Variants in KDM2A observed in about 807,000 individuals in gnomAD.
KDM2A encodes the protein lysine-specific demethylase 2A.
KDM2A carries 3 observed loss-of-function variants against 137.3 expected under a neutral mutation model. The observed-to-expected ratio is 0.02, with a 90% CI of 0.01 to 0.06. The LOEUF is 0.06. Ranked by LOEUF, KDM2A falls within the 10% of genes least tolerant of loss-of-function variation. The pLI, the probability that KDM2A is intolerant of heterozygous loss-of-function variation, is 1.00. For synonymous variants in KDM2A, 512 were observed against 541.5 expected, an observed-to-expected ratio of 0.95 and a Z score of 0.76; for missense variants, 738 against 1,510.6, an observed-to-expected ratio of 0.49 and a Z score of 8.48.
At chr11:67,145,237 C>T (rs940742282) in intron 2 of KDM2A, among the ~76,000 whole-genome samples, 1 of 151,418 alleles carries the variant, frequency 6.6e-6, no homozygotes, top group Non-Finnish European at 1.5e-5. Flanking sequence ...GTAATCCCAG[C>T]ACTTTGGGAG....
chr11:67,174,722 T>G (rs1289088883), intron 2 of KDM2A, among the ~76,000 whole-genome samples: 1 of 152,248 alleles, frequency 6.6e-6, no homozygotes, highest in African/African-American at 2.4e-5. Context: ...TTAAAATTCT[T>G]CATATTATTT....
intron 2 of KDM2A, among the ~76,000 whole-genome samples, chr11:67,148,335 C>T (rs1036057706): frequency 6.6e-5 from 10 of 151,950 alleles, no homozygotes; most frequent in African/African-American, 2.2e-4. Flanking sequence ...GCCAAAGGGT[C>T]GCTTGACCCC....
intron 5 of KDM2A, among the ~76,000 whole-genome samples, chr11:67,191,458 G>A (rs1367949985): frequency 1.3e-5 from 2 of 152,102 alleles, no homozygotes; most frequent in Admixed American, 6.5e-5. Flanking sequence ...CAAAATACTT[G>A]CATACTAAAT....
intron 2 of KDM2A, among the ~76,000 whole-genome samples, chr11:67,162,315 T>C (rs1358291624): frequency 6.6e-6 from 1 of 152,202 alleles, no homozygotes; most frequent in Non-Finnish European, 1.5e-5. Context: ...TAATTCTTAT[T>C]GCCTGTAAAT....
At chr11:67,205,935 G>A (rs1857792467) in intron 5 of KDM2A, among the ~76,000 whole-genome samples, 1 of 151,962 alleles carries the variant, frequency 6.6e-6, no homozygotes, top group South Asian at 2.1e-4. Context: ...TTTTCCTAAA[G>A]CCTTTTCTGA....
At chr11:67,203,419 AAT>A (rs957703011) in intron 5 of KDM2A, among the ~76,000 whole-genome samples, 12 of 71,766 alleles carry the variant, frequency 1.7e-4, no homozygotes, top group Admixed American at 4.6e-4. Flanking sequence ...TCTAGTAATA[AAT>A]AGTCTATAAT....
At chr11:67,186,381 C>T (rs987129132) in intron 5 of KDM2A, among the ~76,000 whole-genome samples, 1 of 152,182 alleles carries the variant, frequency 6.6e-6, no homozygotes, top group Non-Finnish European at 1.5e-5. Context: ...CAAAACAAAA[C>T]TGTCAACCAA....
chr11:67,217,943 T>C, intron 9 of KDM2A, 59 bp downstream of exon 9: 1 of 1,406,692 alleles, frequency 7.1e-7, no homozygotes, highest in Non-Finnish European at 9.6e-7. Flanking sequence ...GAAAAAGAAA[T>C]TGATGGATTA....
At chr11:67,136,234 A>G (rs554199022) in intron 2 of KDM2A, among the ~76,000 whole-genome samples, 1 of 152,178 alleles carries the variant, frequency 6.6e-6, no homozygotes, top group Non-Finnish European at 1.5e-5. Context: ...TTTGACTCCC[A>G]TTTTAAAGTT....
At chr11:67,248,095 G>T (rs980886263) in intron 15 of KDM2A, among the ~76,000 whole-genome samples, 186 bp from the exon 16 acceptor site, 2 of 152,226 alleles carry the variant, frequency 1.3e-5, no homozygotes, top group African/African-American at 4.8e-5. Context: ...CAAGCTATCA[G>T]AACCTGTGCC....
intron 2 of KDM2A, among the ~76,000 whole-genome samples, chr11:67,168,434 G>A (rs1304394076): frequency 6.6e-6 from 1 of 151,708 alleles, no homozygotes; most frequent in African/African-American, 2.4e-5. Flanking sequence ...CATATTTGTT[G>A]CCCCCTAGTG....
chr11:67,212,879 C>G (rs538732231), intron 6 of KDM2A, among the ~76,000 whole-genome samples: 19 of 152,098 alleles, frequency 1.2e-4, no homozygotes, highest in African/African-American at 4.1e-4. Context: ...ATTCATTATT[C>G]TGTTAAAGGC....
At chr11:67,188,237 C>A (rs1183582729) in intron 5 of KDM2A, among the ~76,000 whole-genome samples, 4 of 151,624 alleles carry the variant, frequency 2.6e-5, no homozygotes, top group African/African-American at 9.7e-5. Context: ...CCAGCACTTG[C>A]CTTGGGAGGC....
intron 2 of KDM2A, among the ~76,000 whole-genome samples, chr11:67,179,592 A>T (rs1347419958): frequency 1.3e-5 from 2 of 152,104 alleles, no homozygotes. Context: ...GAATGCTGTT[A>T]TTTAGATTAA....
At chr11:67,138,578 C>T (rs36019351) in intron 2 of KDM2A, among the ~76,000 whole-genome samples, 1,951 of 152,182 alleles carry the variant, frequency 0.013, 18 homozygotes, top group Non-Finnish European at 0.021. Context: ...GTCAGGAGTT[C>T]GAGACCAGCC....
In KDM2A at chr11:67,168,577, A is replaced by T. The variant is rs1856800813; in HGVS notation, c.43-11502A>T. Reference sequence around the variant, plus strand: ...ACACACACACACACAGTCTTGTATGAATTATACACACACACACACACACAC... The same window carrying T: ...ACACACACACACACAGTCTTGTATGTATTATACACACACACACACACACAC... On this transcript the variant is annotated intron_variant, in intron 2 of 20. Transcript: ENST00000529006. Among the ~76,000 whole-genome samples, 2 of 2,562 alleles carry T rather than the reference A, an allele frequency of 7.8e-4. 1 individual carries two copies. The allele number at this position is 2,562 out of a possible 152,430, so 1.7% of individuals were successfully genotyped here. A position where few individuals can be genotyped will look rare whatever the true frequency, so the allele number is the denominator to read the frequency against.
intron 3 of KDM2A, 103 bp from the exon 4 acceptor site, chr11:67,181,217 T>A: frequency 1.6e-6 from 1 of 636,836 alleles, no homozygotes. Context: ...ATACACAGAA[T>A]AACAAACACC....
intron 2 of KDM2A, among the ~76,000 whole-genome samples, chr11:67,165,305 A>G (rs557536472): frequency 8.5e-4 from 129 of 151,938 alleles, no homozygotes; most frequent in African/African-American, 3.0e-3. Context: ...TATTTTTAGT[A>G]GAGACGAGGT....
At chr11:67,175,345 C>T (rs753807204) in intron 2 of KDM2A, among the ~76,000 whole-genome samples, 7 of 152,170 alleles carry the variant, frequency 4.6e-5, no homozygotes, top group Non-Finnish European at 8.8e-5. Flanking sequence ...TGGAGGATCA[C>T]TTGAGCCCAG....
Sources: allele counts gnomAD v4.1 joint callset (sites outside exome capture counted in the v4.1 genomes callset), GRCh38; gene constraint gnomAD v4.1.1; transcripts MANE v1.5; gene names NCBI Gene and HGNC (gene_info 2026-07-23, HGNC 2026-07-21).